CYP4X1: variants seen among roughly 807,000 people sequenced by gnomAD.
The protein encoded by CYP4X1 is cytochrome P450 4X1.
Under a neutral mutation model 57.9 loss-of-function variants are expected in CYP4X1, and 44 were observed. The observed-to-expected ratio is 0.76, with a 90% CI of 0.60 to 0.98. CYP4X1 has a LOEUF of 0.98. Ranked by LOEUF, CYP4X1 falls within the 50% of genes least tolerant of loss-of-function variation. CYP4X1 has a pLI of 0.00. For missense variants in CYP4X1, 532 were observed against 623.9 expected, an observed-to-expected ratio of 0.85 and a Z score of 1.57; for synonymous variants, 227 against 228.6, an observed-to-expected ratio of 0.99 and a Z score of 0.06.
chr1:46,982,957 A>C, the CYP4X1 span, among the ~76,000 whole-genome samples: 4 of 152,196 alleles, frequency 2.6e-5, no homozygotes, highest in African/African-American at 9.7e-5. Flanking sequence ...CTGGGGCTTC[A>C]TCCTACAGAA....
chr1:47,009,837 T>C, the CYP4X1 span, among the ~76,000 whole-genome samples: 2 of 152,188 alleles, frequency 1.3e-5, no homozygotes, highest in African/African-American at 4.8e-5. Flanking sequence ...CCTCGACACA[T>C]ACACCTTCCC....
At chr1:46,985,498 A>C in the CYP4X1 span, among the ~76,000 whole-genome samples, 1,451 of 152,276 alleles carry the variant, frequency 9.5e-3, 20 homozygotes, top group Admixed American at 0.03. Flanking sequence ...ATCTCCCAGC[A>C]CAGCGTTCGA....
the CYP4X1 span, chr1:46,994,471 A>G: frequency 1.9e-5 from 3 of 158,182 alleles, no homozygotes; most frequent in Admixed American, 6.4e-5. Context: ...ACCATCTGGG[A>G]GTCTGTTGGG....
rs140188614 is a variant in CYP4X1 at position 47,047,217 on chromosome 1, C to T, written c.1207+617C>T. Among the ~76,000 whole-genome samples the T allele has an allele frequency of 5.6e-3, 847 of 152,242 alleles. 7 individuals are homozygous for T. The highest frequency in any genetic ancestry group is 0.01 in the Middle Eastern group (3 of 294). On this transcript the variant is annotated intron_variant, in intron 9 of 11. Transcript: ENST00000371901. ...AGCAGAGCTAGAACTTGTGCGGAGA[C>T]CCTGAGTCTGGAGCCTAGAGTTCTT... is the stretch of plus-strand genomic sequence containing the variant.
chr1:47,042,078 T>C (rs949989983), intron 8 of CYP4X1, among the ~76,000 whole-genome samples: 1 of 152,100 alleles, frequency 6.6e-6, no homozygotes, highest in African/African-American at 2.4e-5. Context: ...TGTAGATCAG[T>C]TGACAATAAA....
chr1:46,984,604 G>A, the CYP4X1 span, among the ~76,000 whole-genome samples: 83 of 152,114 alleles, frequency 5.5e-4, 1 homozygote, highest in Middle Eastern at 3.4e-3. Context: ...AAGCGCAAGG[G>A]GTCAGGGAAC....
chr1:47,048,733 A>C, intron 10 of CYP4X1, 104 bp downstream of exon 10: 1 of 1,082,258 alleles, frequency 9.2e-7, no homozygotes, highest in Non-Finnish European at 1.3e-6. Flanking sequence ...GGGAAATGAC[A>C]CAAATTAAAC....
chr1:47,023,507 A>G, upstream of CYP4X1: 4 of 1,107,252 alleles, frequency 3.6e-6, no homozygotes, highest in South Asian at 1.3e-4. Context: ...TTATTTTACA[A>G]TATAAATTCA....
chr1:47,055,371 T>A (rs1346276026), downstream of CYP4X1, among the ~76,000 whole-genome samples: 1 of 152,248 alleles, frequency 6.6e-6, no homozygotes, highest in Non-Finnish European at 1.5e-5. Flanking sequence ...GATATTGGTT[T>A]AAAATTCTCT....
At chr1:46,961,748 A>T in the CYP4X1 span, 1 of 1,312,326 alleles carries the variant, frequency 7.6e-7, no homozygotes, top group Non-Finnish European at 1.0e-6. Flanking sequence ...TTCTTCCTCC[A>T]GTGGATTGGT....
At chr1:46,963,826 T>C in the CYP4X1 span, among the ~76,000 whole-genome samples, 3 of 152,250 alleles carry the variant, frequency 2.0e-5, no homozygotes, top group Non-Finnish European at 2.9e-5. Flanking sequence ...CTGGATAATA[T>C]CCTGAAGAGT....
chr1:47,044,824 C>CTT (rs35504579), intron 8 of CYP4X1, among the ~76,000 whole-genome samples: 3 of 144,788 alleles, frequency 2.1e-5, no homozygotes, highest in Non-Finnish European at 1.5e-5. Context: ...CAGAATTACT[C>CTT]TTTTTTTTTT....
chr1:47,003,314 C>T, the CYP4X1 span, among the ~76,000 whole-genome samples: 1 of 152,138 alleles, frequency 6.6e-6, no homozygotes, highest in African/African-American at 2.4e-5. Flanking sequence ...GTGATCCAGG[C>T]TCCTGCTGTC....
the CYP4X1 span, among the ~76,000 whole-genome samples, chr1:46,998,786 T>C: frequency 5.3e-5 from 8 of 152,192 alleles, no homozygotes; most frequent in South Asian, 1.7e-3. Flanking sequence ...TTATTTTGTA[T>C]ATAGCTAGCC....
the CYP4X1 span, among the ~76,000 whole-genome samples, chr1:46,966,339 T>C: frequency 2.6e-5 from 4 of 152,180 alleles, no homozygotes; most frequent in East Asian, 7.7e-4. Context: ...GGTTGCTGTG[T>C]GGGCCTGAGT....
At chr1:47,048,492 T>A in intron 9 of CYP4X1, 73 bp from the exon 10 acceptor site, 1 of 1,519,412 alleles carries the variant, frequency 6.6e-7, no homozygotes, top group Non-Finnish European at 9.1e-7. Context: ...AGAACAAAAG[T>A]CTTGTTTAAG....
rs1030747840 is a variant in CYP4X1, at chr1:47,050,722, T to A, written c.*548T>A. The A allele has an allele frequency of 1.3e-5, 2 of 152,298 alleles. No individual in the cohort carries two copies. Among genetic ancestry groups the A allele is most frequent in the African/African-American group, 4.8e-5 (2 of 41,476 alleles). 9.4% of individuals were successfully genotyped at this position (152,298 alleles called of 1,614,324 possible). A position where few individuals can be genotyped will look rare whatever the true frequency, so the allele number is the denominator to read the frequency against. On this transcript the variant is annotated 3_prime_UTR_variant, in exon 12 of 12. Coordinates refer to ENST00000371901, the MANE Select transcript of CYP4X1 (RefSeq NM_178033.2). ...ATTCCTATATTGTTATTGATTTTTTTCACTTAATAAAAATTCACCTTATTC... is the reference window on the plus strand; with the variant it reads ...ATTCCTATATTGTTATTGATTTTTTACACTTAATAAAAATTCACCTTATTC...
At chr1:47,002,665 G>A in the CYP4X1 span, among the ~76,000 whole-genome samples, 1 of 152,188 alleles carries the variant, frequency 6.6e-6, no homozygotes, top group African/African-American at 2.4e-5. Context: ...TGGAGTGTAT[G>A]TGTCCAGCTG....
chr1:47,028,549 C>T (rs771600112), intron 1 of CYP4X1, among the ~76,000 whole-genome samples: 89 of 152,024 alleles, frequency 5.9e-4, no homozygotes, highest in African/African-American at 9.7e-4. Flanking sequence ...ATGTAGTACC[C>T]GTTTTCAAGT....
Sources: allele counts gnomAD v4.1 joint callset (sites outside exome capture counted in the v4.1 genomes callset), GRCh38; gene constraint gnomAD v4.1.1; transcripts MANE v1.5; gene names NCBI Gene and HGNC (gene_info 2026-07-23, HGNC 2026-07-21).